The following TRIM55 variants were observed in gnomAD, a reference collection of about 807,000 sequenced individuals.
TRIM55 encodes tripartite motif-containing protein 55.
In TRIM55, 50 loss-of-function variants were observed where a neutral mutation model predicts 60.9. The ratio of observed to expected loss-of-function variants is 0.82; its 90% CI spans 0.65 to 1.04. The LOEUF (loss-of-function observed/expected upper bound fraction) is 1.04, where lower values mean the gene tolerates loss of function less well. Among genes scored for constraint, TRIM55 ranks in the 50% least tolerant of loss-of-function variants. TRIM55 has a pLI of 0.00. For synonymous variants in TRIM55, 237 were observed against 238.1 expected, an observed-to-expected ratio of 1.00 and a Z score of 0.04; for missense variants, 681 against 666.9, an observed-to-expected ratio of 1.02 and a Z score of -0.23.
chr8:66,137,200 G>A lies in TRIM55; in HGVS notation c.603+10G>A, dbSNP rs939456883. 1.4e-5 allele frequency: 23 copies of A among 1,610,936 alleles called. No individual in the cohort carries two copies. Among genetic ancestry groups the A allele is most frequent in the Non-Finnish European group, 2.0e-5 (23 of 1,177,362 alleles). Reference sequence around the variant, plus strand: ...CTGCAAAACTATCGAGGTGAGTCAGGTGACTCCCACAGCGTCTCAACCAAG... The same window carrying A: ...CTGCAAAACTATCGAGGTGAGTCAGATGACTCCCACAGCGTCTCAACCAAG... On this transcript the variant is annotated intron_variant, in intron 4 of 9. Transcript: ENST00000315962.
intron 4 of TRIM55, among the ~76,000 whole-genome samples, chr8:66,140,472 T>G (rs73249956): frequency 0.026 from 3,980 of 152,342 alleles, 176 homozygotes; most frequent in African/African-American, 0.085. Flanking sequence ...TGTAGAGATG[T>G]TCTCAAAGCC....
At chr8:66,167,612 C>T (rs906292568) in intron 9 of TRIM55, among the ~76,000 whole-genome samples, 1 of 152,108 alleles carries the variant, frequency 6.6e-6, no homozygotes, top group Non-Finnish European at 1.5e-5. Flanking sequence ...TTTGATGGGC[C>T]TCAGGAAATT....
In TRIM55 at chr8:66,171,889, C is replaced by T. The variant is rs117285744; in HGVS notation, c.1525-2582C>T. Among the ~76,000 whole-genome samples the T allele has an allele frequency of 3.1e-3, 472 of 152,314 alleles. 2 individuals are homozygous for T. Among genetic ancestry groups the T allele is most frequent in the African/African-American group, 0.011 (438 of 41,554 alleles). ...GTGTCATTGATGCCTGTGATTACAG[C>T]ACACTGAAGGGATTAAATCATAGAA... is the stretch of plus-strand genomic sequence containing the variant. On this transcript the variant is annotated intron_variant, in intron 9 of 9. Transcript: ENST00000315962.
chr8:66,127,167 A>G lies in TRIM55; in HGVS notation c.-102A>G. On this transcript the variant is annotated 5_prime_UTR_variant, in exon 1 of 10. Transcript: ENST00000315962. ...ATGTCCTCCACCGAGAGAAACGTAAAGGACACTTGATCACACAATCCCTGG... is the reference window on the plus strand; with the variant it reads ...ATGTCCTCCACCGAGAGAAACGTAAGGGACACTTGATCACACAATCCCTGG... The G allele has an allele frequency of 7.8e-7, 1 of 1,282,630 alleles. No homozygotes were observed. Among genetic ancestry groups the G allele is most frequent in the Non-Finnish European group, 1.1e-6 (1 of 931,230 alleles). The allele number at this position is 1,282,630 out of a possible 1,614,324, so 79.5% of individuals were successfully genotyped here.
chr8:66,150,107 T>C (rs1444622309), intron 5 of TRIM55, 110 bp from the exon 6 acceptor site: 27 of 1,312,072 alleles, frequency 2.1e-5, no homozygotes, highest in Non-Finnish European at 2.9e-5. Context: ...ATTTATGACA[T>C]TTAGAAACTA....
At chr8:66,131,406 T>G (rs948835919) in intron 2 of TRIM55, among the ~76,000 whole-genome samples, 2 of 152,204 alleles carry the variant, frequency 1.3e-5, no homozygotes, top group African/African-American at 4.8e-5. Flanking sequence ...ACCAATGACA[T>G]GTGCATACTA....
At chr8:66,137,214 G>A (rs376013593) in intron 4 of TRIM55, 24 bp downstream of exon 4, 34 of 1,589,278 alleles carry the variant, frequency 2.1e-5, no homozygotes, top group Middle Eastern at 1.7e-4. Flanking sequence ...CTCCCACAGC[G>A]TCTCAACCAA....
chr8:66,174,690 G>T lies in TRIM55; in HGVS notation c.*97G>T. 1 of 1,336,728 alleles carries T rather than the reference G, an allele frequency of 7.5e-7. No individual in the cohort carries two copies. The highest frequency in any genetic ancestry group is 9.7e-7 in the Non-Finnish European group (1 of 1,025,792). 82.8% of individuals were successfully genotyped at this position (1,336,728 alleles called of 1,614,324 possible). A position where few individuals can be genotyped will look rare whatever the true frequency, so the allele number is the denominator to read the frequency against. On this transcript the variant is annotated 3_prime_UTR_variant, in exon 10 of 10. Coordinates refer to ENST00000315962, the MANE Select transcript of TRIM55 (RefSeq NM_184085.2). ...ATTAATATTATGCAGATGATGAAAG[G>T]GACCTCTGAACAGGATTTCTGCAAA... is the stretch of plus-strand genomic sequence containing the variant.
At chr8:66,114,696 C>T in the TRIM55 span, 1 of 453,704 alleles carries the variant, frequency 2.2e-6, no homozygotes, top group East Asian at 7.0e-5. Context: ...ACTGTTCGGC[C>T]CCATCTCAAG....
chr8:66,127,464 G>C, intron 1 of TRIM55, 28 bp downstream of exon 1: 2 of 1,609,178 alleles, frequency 1.2e-6, no homozygotes, highest in Non-Finnish European at 1.7e-6. Context: ...TTGGTTGAGG[G>C]GAGGGGGTGG....
At chr8:66,150,546 G>T in intron 7 of TRIM55, 80 bp downstream of exon 7, 1 of 1,538,908 alleles carries the variant, frequency 6.5e-7, no homozygotes. Context: ...GGAAAGCGGG[G>T]ATTCAGAATC....
chr8:66,169,900 A>AT (rs1344601208), intron 9 of TRIM55, among the ~76,000 whole-genome samples: 2 of 152,098 alleles, frequency 1.3e-5, no homozygotes, highest in African/African-American at 2.4e-5. Context: ...TTTTTTTAAA[A>AT]TTTTTTATTC....
At chr8:66,126,259 C>T (rs1050694736), upstream of TRIM55, among the ~76,000 whole-genome samples, 34 of 152,346 alleles carry the variant, frequency 2.2e-4, no homozygotes, top group African/African-American at 6.7e-4. Context: ...GATCTGCCAC[C>T]TCCAGGTGCC....
At chr8:66,165,382 G>T (rs1811272714) in intron 9 of TRIM55, among the ~76,000 whole-genome samples, 1 of 151,920 alleles carries the variant, frequency 6.6e-6, no homozygotes, top group Admixed American at 6.6e-5. Flanking sequence ...GCCAGAAGCT[G>T]CTTTTCTGAG....
intron 4 of TRIM55, among the ~76,000 whole-genome samples, chr8:66,137,899 G>T (rs777525527): frequency 6.6e-6 from 1 of 152,124 alleles, no homozygotes. Context: ...ATTACCGGAG[G>T]CCTTTAAAGT....
intron 4 of TRIM55, among the ~76,000 whole-genome samples, chr8:66,145,239 A>G (rs868506945): frequency 6.6e-6 from 1 of 152,202 alleles, no homozygotes. Flanking sequence ...AGTATTTCAC[A>G]TTTGAATATG....
At chr8:66,156,172 G>A (rs1027106886) in intron 9 of TRIM55, among the ~76,000 whole-genome samples, 5 of 152,220 alleles carry the variant, frequency 3.3e-5, no homozygotes, top group African/African-American at 1.2e-4. Flanking sequence ...GTGGCCAAGT[G>A]ACTCCTCGTG....
At chr8:66,121,372 T>C in the TRIM55 span, among the ~76,000 whole-genome samples, 1 of 152,236 alleles carries the variant, frequency 6.6e-6, no homozygotes, top group Non-Finnish European at 1.5e-5. Flanking sequence ...GCTTCTGTCC[T>C]GATGTGTGTG....
chr8:66,170,839 T>C (rs544818958), intron 9 of TRIM55, among the ~76,000 whole-genome samples: 2 of 152,264 alleles, frequency 1.3e-5, no homozygotes, highest in East Asian at 3.9e-4. Flanking sequence ...CACACAGATA[T>C]TTGCACACTC....
Sources: allele counts gnomAD v4.1 joint callset (sites outside exome capture counted in the v4.1 genomes callset), GRCh38; gene constraint gnomAD v4.1.1; transcripts MANE v1.5; gene names NCBI Gene and HGNC (gene_info 2026-07-23, HGNC 2026-07-21).